FRK: variants seen among roughly 807,000 people sequenced by gnomAD.
The protein encoded by FRK is fyn related Src family tyrosine kinase, also known as tyrosine-protein kinase FRK.
A neutral mutation model predicts 56.4 loss-of-function variants in FRK; 51 were observed. The ratio of observed to expected loss-of-function variants is 0.90; its 90% confidence interval spans 0.72 to 1.14. The LOEUF is 1.14. Ranked by LOEUF, FRK falls within the 50% of genes most tolerant of loss-of-function variation. The pLI is 0.00. For missense variants in FRK, 570 were observed against 601.4 expected (o/e 0.95, Z 0.55); for synonymous variants, 245 against 217.9 (o/e 1.12, Z -1.10).
intron 5 of FRK, among the ~76,000 whole-genome samples, chr6:115,951,964 G>A (rs1242762319): frequency 6.6e-6 from 1 of 151,986 alleles, no homozygotes; most frequent in Non-Finnish European, 1.5e-5. Context: ...AAGGTTTTTT[G>A]GCTGCATAAA....
the FRK span, among the ~76,000 whole-genome samples, chr6:116,096,412 A>G: frequency 2.0e-5 from 3 of 152,340 alleles, no homozygotes; most frequent in East Asian, 1.9e-4. Context: ...GTGTCTAACT[A>G]AAGGATTGTA....
At chr6:116,000,223 C>CTTTCTTTTT (rs1775002178) in intron 2 of FRK, among the ~76,000 whole-genome samples, 11 of 53,112 alleles carry the variant, frequency 2.1e-4, no homozygotes, top group Middle Eastern at 0.011. Flanking sequence ...ATCATTCTTT[C>CTTTCTTTTT]TTTTTTTTTT....
In FRK at chr6:115,931,173, T is replaced by C. The variant is rs1214232380; in HGVS notation, c.*11241A>G. ...GTGCTATGAACACATTGAATTTATATTTTAGATCCACAATCAACTTGACTT... is the reference window on the plus strand; with the variant it reads ...GTGCTATGAACACATTGAATTTATACTTTAGATCCACAATCAACTTGACTT... On this transcript the variant is annotated 3_prime_UTR_variant, in exon 8 of 8. Coordinates refer to ENST00000606080, the MANE Select transcript of FRK (RefSeq NM_002031.3). The C allele has an allele frequency of 1.3e-5, 2 of 152,218 alleles. No individual in the cohort carries two copies. Among genetic ancestry groups the C allele is most frequent in the Admixed American group, 6.5e-5 (1 of 15,282 alleles). 9.4% of individuals were successfully genotyped at this position (152,218 alleles called of 1,614,324 possible). A position where few individuals can be genotyped will look rare whatever the true frequency, so the allele number is the denominator to read the frequency against.
chr6:116,069,360 T>C, the FRK span, among the ~76,000 whole-genome samples: 1 of 152,212 alleles, frequency 6.6e-6, no homozygotes, highest in Non-Finnish European at 1.5e-5. Context: ...TTCAAGTTTC[T>C]TGGCTAATTC....
intron 1 of FRK, among the ~76,000 whole-genome samples, chr6:116,010,357 A>C (rs1293670515): frequency 1.3e-5 from 2 of 152,196 alleles, no homozygotes; most frequent in Non-Finnish European, 2.9e-5. Context: ...AATAACATGT[A>C]GTTGTAGATT....
At chr6:115,951,177 T>TA (rs964194823) in intron 5 of FRK, among the ~76,000 whole-genome samples, 40 of 151,760 alleles carry the variant, frequency 2.6e-4, no homozygotes, top group Middle Eastern at 3.4e-3. Context: ...TCTTAAAAAA[T>TA]AAAAAAAATT....
At chr6:116,032,563 C>T (rs532877656) in intron 1 of FRK, among the ~76,000 whole-genome samples, 5 of 152,236 alleles carry the variant, frequency 3.3e-5, no homozygotes, top group Admixed American at 2.6e-4. Context: ...GATGAATGTG[C>T]ATAATCCACT....
At chr6:116,046,647 G>A (rs899913128) in intron 1 of FRK, among the ~76,000 whole-genome samples, 1 of 152,118 alleles carries the variant, frequency 6.6e-6, no homozygotes, top group Admixed American at 6.5e-5. Flanking sequence ...AGGGGGCTAG[G>A]GGAGGGATAG....
chr6:115,990,220 G>A (rs561250992), intron 2 of FRK, among the ~76,000 whole-genome samples: 1 of 152,004 alleles, frequency 6.6e-6, no homozygotes, highest in Admixed American at 6.6e-5. Flanking sequence ...CTCCCATTCT[G>A]TAGGCTGCCT....
intron 1 of FRK, among the ~76,000 whole-genome samples, chr6:116,006,595 AC>A (rs1345569934): frequency 6.6e-6 from 1 of 152,200 alleles, no homozygotes; most frequent in African/African-American, 2.4e-5. Context: ...TTTGGAAACA[AC>A]CTAAATGTCC....
intron 1 of FRK, among the ~76,000 whole-genome samples, chr6:116,017,500 G>T (rs1775699558): frequency 6.6e-6 from 1 of 152,092 alleles, no homozygotes; most frequent in Admixed American, 6.6e-5. Context: ...GCACACTCTG[G>T]CTCAGGAGAC....
chr6:115,947,172 G>A (rs1772490227), intron 5 of FRK, among the ~76,000 whole-genome samples: 1 of 152,042 alleles, frequency 6.6e-6, no homozygotes, highest in Non-Finnish European at 1.5e-5. Flanking sequence ...GATCTGGGCA[G>A]TGACTGAATG....
chr6:115,991,876 C>T, intron 2 of FRK, among the ~76,000 whole-genome samples: 1 of 151,484 alleles, frequency 6.6e-6, no homozygotes, highest in Non-Finnish European at 1.5e-5. Context: ...TCTAGTATAA[C>T]TTAGCTGTGA....
At position 116,049,050 on chromosome 6, in the gene FRK, T is replaced by C. The variant is rs189827881; in HGVS notation, c.344+10918A>G. On this transcript the variant is annotated intron_variant, in intron 1 of 7. Coordinates refer to ENST00000606080, the MANE Select transcript of FRK (RefSeq NM_002031.3). Reference sequence around the variant, plus strand: ...CAAGCCATGGACCTTTGAAATATAATTTCACTATACTTCTCTATAACTAGC... The same window carrying C: ...CAAGCCATGGACCTTTGAAATATAACTTCACTATACTTCTCTATAACTAGC... Among the ~76,000 whole-genome samples the C allele has an allele frequency of 2.6e-3, 391 of 152,184 alleles. 12 individuals are homozygous for C. The South Asian group carries it at 0.044, about 17-fold the overall frequency.
chr6:116,028,198 A>G (rs1224629811), intron 1 of FRK, among the ~76,000 whole-genome samples: 3 of 152,168 alleles, frequency 2.0e-5, no homozygotes, highest in Non-Finnish European at 4.4e-5. Context: ...ATCACTACTC[A>G]GTACCATCAG....
chr6:116,044,860 TA>T (rs1776876066), intron 1 of FRK, among the ~76,000 whole-genome samples: 2 of 152,228 alleles, frequency 1.3e-5, no homozygotes, highest in Admixed American at 1.3e-4. Context: ...AAAATTTCCT[TA>T]AGCTGATAAG....
At chr6:115,998,392 A>G (rs1276817842) in intron 2 of FRK, among the ~76,000 whole-genome samples, 1 of 152,176 alleles carries the variant, frequency 6.6e-6, no homozygotes, top group African/African-American at 2.4e-5. Context: ...GGTCGTGAAT[A>G]GTCTAGTTCC....
intron 2 of FRK, among the ~76,000 whole-genome samples, chr6:115,989,519 C>T (rs985150807): frequency 1.3e-5 from 2 of 151,872 alleles, no homozygotes; most frequent in Non-Finnish European, 2.9e-5. Context: ...GTTTAACTTC[C>T]ACTTGTAAGT....
rs1242430372 is a variant in FRK, at chr6:115,942,412, G to A, written c.*2C>T. 1.2e-6 allele frequency: 2 copies of A among 1,604,356 alleles called. No homozygotes were observed. The highest frequency in any genetic ancestry group is 1.7e-6 in the Non-Finnish European group (2 of 1,171,544). On this transcript the variant is annotated 3_prime_UTR_variant, in exon 8 of 8. Transcript: ENST00000606080. ...TTATTATTTGATATTCTTCTCCAGT[G>A]TTCATCTTATGAAGTTATTTGCATC...
Sources: allele counts gnomAD v4.1 joint callset (sites outside exome capture counted in the v4.1 genomes callset), GRCh38; gene constraint gnomAD v4.1.1; transcripts MANE v1.5; gene names NCBI Gene and HGNC (gene_info 2026-07-23, HGNC 2026-07-21).